The following ATIC variants were observed in gnomAD, a reference collection of about 807,000 sequenced individuals.
ATIC encodes bifunctional purine biosynthesis protein ATIC.
In ATIC, 64 loss-of-function variants were observed where a neutral mutation model predicts 72.5. The observed-to-expected ratio is 0.88, with a 90% CI of 0.72 to 1.09. The LOEUF (loss-of-function observed/expected upper bound fraction) is 1.09, where lower values mean the gene tolerates loss of function less well. Ranked by LOEUF, ATIC falls within the 50% of genes least tolerant of loss-of-function variation. The pLI is 0.00. For synonymous variants in ATIC, 281 were observed against 267.1 expected, an observed-to-expected ratio of 1.05 and a Z score of -0.51; for missense variants, 787 against 732.4, an observed-to-expected ratio of 1.07 and a Z score of -0.86.
At chr2:215,321,725 G>A (rs1336011540) in intron 4 of ATIC, among the ~76,000 whole-genome samples, 1 of 152,208 alleles carries the variant, frequency 6.6e-6, no homozygotes, top group Non-Finnish European at 1.5e-5. Flanking sequence ...TCCAAATAAT[G>A]TGGAACACCG....
chr2:215,312,758 ACTTTATGGGG>A, intron 2 of ATIC, 134 bp downstream of exon 2: 1 of 1,380,926 alleles, frequency 7.2e-7, no homozygotes. Flanking sequence ...ATACTTCCCC[ACTTTATGGGG>A]AAAAAAAGTG....
At chr2:215,344,746 C>T (rs771257711) in intron 12 of ATIC, 33 bp from the exon 13 acceptor site, 1 of 1,586,404 alleles carries the variant, frequency 6.3e-7, no homozygotes, top group South Asian at 1.1e-5. Flanking sequence ...TTTAAAAGGC[C>T]CCATGCAATT....
chr2:215,361,691 A>G, the ATIC span: 23 of 1,296,492 alleles, frequency 1.8e-5, no homozygotes, highest in Non-Finnish European at 2.5e-5. Context: ...AGAAAAAAAA[A>G]TGCGGGGAGG....
At position 215,319,683 on chromosome 2, in the gene ATIC, T is replaced by C; in HGVS notation, c.242T>C (p.Ile81Thr). The C allele has an allele frequency of 6.2e-7, 1 of 1,611,878 alleles. No individual in the cohort carries two copies. The highest frequency in any genetic ancestry group is 8.5e-7 in the Non-Finnish European group (1 of 1,177,960). The change falls in exon 4 of 16, where the codon ATT becomes ACT. Residue 81 changes from isoleucine (I) to threonine (T), a missense_variant. Coordinates refer to ENST00000236959, the MANE Select transcript of ATIC (RefSeq NM_004044.7). ...AVHAGILARN[I>T]PEDNADMARL... ...AAATTAGGAATCCTAGCTCGTAATATTCCAGAAGATAATGCTGACATGGCC... is the reference window on the plus strand; with the variant it reads ...AAATTAGGAATCCTAGCTCGTAATACTCCAGAAGATAATGCTGACATGGCC...
At chr2:215,347,559 G>T in intron 14 of ATIC, 2 of 485,958 alleles carry the variant, frequency 4.1e-6, no homozygotes, top group South Asian at 3.1e-5. Context: ...ACAGAAGGCT[G>T]CTAATCAAAT....
chr2:215,366,593 C>T, the ATIC span, among the ~76,000 whole-genome samples: 1 of 152,180 alleles, frequency 6.6e-6, no homozygotes, highest in South Asian at 2.1e-4. Context: ...GACTTTTTAA[C>T]CTCCAGGGCT....
At chr2:215,325,466 A>G (rs2052812980) in intron 5 of ATIC, 137 bp downstream of exon 5, 2 of 603,954 alleles carry the variant, frequency 3.3e-6, no homozygotes, top group Non-Finnish European at 5.6e-6. Context: ...GATTACTATA[A>G]TTCATTTATA....
intron 14 of ATIC, 91 bp from the exon 15 acceptor site, chr2:215,349,003 T>C: frequency 7.9e-7 from 1 of 1,263,134 alleles, no homozygotes; most frequent in East Asian, 2.4e-5. Context: ...CTAAGAAAAA[T>C]GCCCAGGTGC....
chr2:215,359,274 C>T, the ATIC span, among the ~76,000 whole-genome samples: 1 of 152,138 alleles, frequency 6.6e-6, no homozygotes, highest in African/African-American at 2.4e-5. Context: ...GCTGCTCTTT[C>T]CTTATGTTTT....
intron 12 of ATIC, among the ~76,000 whole-genome samples, chr2:215,342,211 C>T (rs568065663): frequency 6.6e-6 from 1 of 152,214 alleles, no homozygotes; most frequent in African/African-American, 2.4e-5. Flanking sequence ...ATGAAGCTGG[C>T]TTTTGCTACT....
intron 9 of ATIC, among the ~76,000 whole-genome samples, chr2:215,334,189 CTTTTT>C (rs551274501): frequency 0.22 from 21,831 of 100,518 alleles, 1,738 homozygotes; most frequent in East Asian, 0.49. Flanking sequence ...AAAAGCTATT[CTTTTT>C]TTTTTTTTTT....
intron 12 of ATIC, among the ~76,000 whole-genome samples, chr2:215,342,272 G>T (rs535511320): frequency 6.6e-6 from 1 of 152,134 alleles, no homozygotes; most frequent in Non-Finnish European, 1.5e-5. Context: ...GACTCAAATA[G>T]CAGATAAAGA....
At position 215,312,156 on chromosome 2, in the gene ATIC, A is replaced by G. The variant is rs1226416766; in HGVS notation, c.14A>G (p.Gln5Arg). 2 of 1,522,120 alleles carry G rather than the reference A, an allele frequency of 1.3e-6. No individual in the cohort carries two copies. The highest frequency in any genetic ancestry group is 1.2e-5 in the South Asian group (1 of 82,192). The allele number at this position is 1,522,120 out of a possible 1,614,324, so 94.3% of individuals were successfully genotyped here. A position where few individuals can be genotyped will look rare whatever the true frequency, so the allele number is the denominator to read the frequency against. The change falls in exon 1 of 16, where the codon CAG (glutamine) becomes CGG (arginine). Residue 5 changes from glutamine (Q) to arginine (R), a missense_variant. Physicochemically the swap from Gln to Arg is conservative, Grantham distance 43. Coordinates refer to ENST00000236959, the MANE Select transcript of ATIC (RefSeq NM_004044.7). Reference protein sequence around the residue: MAPGQLALFSVSDKT... With the variant: MAPGRLALFSVSDKT... Reference sequence around the variant, plus strand: ...GTGCCTGCAGCCATGGCTCCCGGCCAGCTCGGTGAGGCCCTAGCGGAGCGG... The same window carrying G: ...GTGCCTGCAGCCATGGCTCCCGGCCGGCTCGGTGAGGCCCTAGCGGAGCGG...
At chr2:215,344,453 G>C (rs998964404) in intron 12 of ATIC, among the ~76,000 whole-genome samples, 2 of 152,142 alleles carry the variant, frequency 1.3e-5, no homozygotes, top group Non-Finnish European at 1.5e-5. Flanking sequence ...CACTCTGGGA[G>C]GCTGAGGCAC....
rs1233493873 is a variant in ATIC, at chr2:215,329,088, C to T, written c.688+2110C>T. Among the ~76,000 whole-genome samples, 15 of 152,348 alleles carry T rather than the reference C, an allele frequency of 9.8e-5. No individual in the cohort carries two copies. In the South Asian group the frequency reaches 1.2e-3, roughly 13 times the overall value. On this transcript the variant is annotated intron_variant, in intron 7 of 15. Coordinates refer to ENST00000236959, the MANE Select transcript of ATIC (RefSeq NM_004044.7). ...CGCTGAATCCCCAGGGCTTAGAAGA[C>T]TGCTTGGCACATTCCCTAAATGTTT...
chr2:215,365,010 C>A, the ATIC span: 1 of 1,413,160 alleles, frequency 7.1e-7, no homozygotes, highest in Non-Finnish European at 9.8e-7. Context: ...AAGACAGATG[C>A]ACGCATAAGC....
chr2:215,342,812 T>C (rs564000387), intron 12 of ATIC, among the ~76,000 whole-genome samples: 1 of 152,320 alleles, frequency 6.6e-6, no homozygotes, highest in East Asian at 1.9e-4. Flanking sequence ...CCCAGGGAGC[T>C]GGGATTACAG....
At chr2:215,348,322 G>GT (rs967095776) in intron 14 of ATIC, among the ~76,000 whole-genome samples, 14 of 152,014 alleles carry the variant, frequency 9.2e-5, no homozygotes, top group African/African-American at 2.9e-4. Flanking sequence ...GATATAGAGG[G>GT]TTTTTTTGAA....
intron 2 of ATIC, among the ~76,000 whole-genome samples, chr2:215,317,671 T>C (rs1189709385): frequency 6.6e-6 from 1 of 152,124 alleles, no homozygotes; most frequent in Non-Finnish European, 1.5e-5. Context: ...ATTTTTTTAG[T>C]AGAGCTGGGG....
Sources: allele counts gnomAD v4.1 joint callset (sites outside exome capture counted in the v4.1 genomes callset), GRCh38; gene constraint gnomAD v4.1.1; transcripts MANE v1.5; gene names NCBI Gene and HGNC (gene_info 2026-07-23, HGNC 2026-07-21).